The following NF1 variants were observed in gnomAD, a reference collection of about 807,000 sequenced individuals.
NF1 encodes the protein neurofibromin 1.
Under a neutral mutation model 325.7 loss-of-function variants are expected in NF1, and 122 were observed. The ratio of observed to expected loss-of-function variants is 0.37; its 90% CI spans 0.32 to 0.44. The LOEUF (loss-of-function observed/expected upper bound fraction) is 0.44. NF1 is among the 20% of genes least tolerant of loss of function. NF1 has a pLI of 1.00. For missense variants in NF1, 2,140 were observed against 3,415.4 expected, an observed-to-expected ratio of 0.63 and a Z score of 9.31; for synonymous variants, 1,091 against 1,186.0, an observed-to-expected ratio of 0.92 and a Z score of 1.65.
intron 1 of NF1, among the ~76,000 whole-genome samples, chr17:31,119,216 C>T (rs1914224316): frequency 1.3e-5 from 2 of 152,138 alleles, no homozygotes; most frequent in African/African-American, 4.8e-5. Context: ...GCTGGGATTA[C>T]AGGTGTGAGC....
At chr17:31,118,954 G>A (rs562791534) in intron 1 of NF1, among the ~76,000 whole-genome samples, 2 of 133,766 alleles carry the variant, frequency 1.5e-5, no homozygotes, top group Non-Finnish European at 3.3e-5. Flanking sequence ...TTTTTTTCTT[G>A]AGATGGAGTC....
chr17:31,259,786 T>A (rs1483752702), intron 33 of NF1, among the ~76,000 whole-genome samples: 1 of 152,224 alleles, frequency 6.6e-6, no homozygotes, highest in African/African-American at 2.4e-5. Flanking sequence ...GAATTCTGCT[T>A]TTCATGCAGT....
At chr17:31,207,936 C>T (rs1351782472) in intron 12 of NF1, among the ~76,000 whole-genome samples, 1 of 152,106 alleles carries the variant, frequency 6.6e-6, no homozygotes, top group African/African-American at 2.4e-5. Context: ...TCCTATTTAA[C>T]TTCAATATCC....
At chr17:31,272,225 G>T (rs1190090812) in intron 36 of NF1, 1 of 152,244 alleles carries the variant, frequency 6.6e-6, no homozygotes, top group Non-Finnish European at 1.5e-5. Context: ...AATGCAGGCA[G>T]TTGAAGTTCA....
At chr17:31,104,071 G>A (rs1477466053) in intron 1 of NF1, among the ~76,000 whole-genome samples, 1 of 151,610 alleles carries the variant, frequency 6.6e-6, no homozygotes, top group African/African-American at 2.4e-5. Flanking sequence ...TTTTTATTTG[G>A]GTACCGGCCA....
chr17:31,319,776 A>G lies in NF1; in HGVS notation c.4836-6044A>G, dbSNP rs111450837. ...TGAAGAAAAAAAAAAAAAAACAGCA[A>G]ATTTCCTCTGAGTAGACTTAAAAGT... is the stretch of plus-strand genomic sequence containing the variant. On this transcript the variant is annotated intron_variant, in intron 36 of 57. Transcript: ENST00000358273. Among the ~76,000 whole-genome samples the G allele has an allele frequency of 8.2e-3, 1,247 of 151,758 alleles. 25 individuals are homozygous for G. Among genetic ancestry groups the G allele is most frequent in the African/African-American group, 0.029 (1,191 of 41,384 alleles).
intron 36 of NF1, among the ~76,000 whole-genome samples, chr17:31,283,197 C>T (rs2068155657): frequency 6.6e-6 from 1 of 152,058 alleles, no homozygotes; most frequent in African/African-American, 2.4e-5. Flanking sequence ...GCGGGCGGAT[C>T]ACGAGGTCAG....
intron 1 of NF1, among the ~76,000 whole-genome samples, chr17:31,140,356 G>A (rs1252429441): frequency 1.3e-5 from 2 of 152,178 alleles, no homozygotes; most frequent in African/African-American, 4.8e-5. Flanking sequence ...TCAATGAGGT[G>A]TATAATGTGT....
At chr17:31,244,619 A>C (rs1293669565) in intron 29 of NF1, among the ~76,000 whole-genome samples, 1 of 152,138 alleles carries the variant, frequency 6.6e-6, no homozygotes, top group Non-Finnish European at 1.5e-5. Flanking sequence ...GCAAAGTCCC[A>C]TAATCACTGT....
chr17:31,336,319 CCTT>C lies in NF1; in HGVS notation c.6007-9_6007-7del, dbSNP rs1274172088. The C allele has an allele frequency of 1.9e-6, 3 of 1,612,904 alleles. No individual in the cohort carries two copies. Among genetic ancestry groups the C allele is most frequent in the African/African-American group, 2.7e-5 (2 of 74,824 alleles). On this transcript the variant is annotated splice_polypyrimidine_tract_variant and intron_variant, in intron 40 of 57. Coordinates refer to ENST00000358273, the MANE Select transcript of NF1 (RefSeq NM_001042492.3). This position sits in a 1 kb window ranked among gnomAD's most constrained non-coding sequence, Gnocchi z 5.5. The stretch of plus-strand genomic sequence containing the variant: ...AGAGTGATTAAAAACATGTTATTTT[CCTT>C]CTTCAACTAGATTACAGATCTGCTT...
chr17:31,119,566 A>G (rs112587580), intron 1 of NF1, among the ~76,000 whole-genome samples: 28 of 151,610 alleles, frequency 1.8e-4, no homozygotes, highest in Non-Finnish European at 3.4e-4. Context: ...TAGGTTGCCT[A>G]TTCACTCATG....
intron 7 of NF1, among the ~76,000 whole-genome samples, chr17:31,182,121 C>T (rs2066148886): frequency 6.6e-6 from 1 of 152,130 alleles, no homozygotes; most frequent in Non-Finnish European, 1.5e-5. Context: ...TAGTAATATT[C>T]TCACCTATAA....
intron 13 of NF1, among the ~76,000 whole-genome samples, chr17:31,214,805 C>A (rs1269828693): frequency 6.6e-6 from 1 of 152,154 alleles, no homozygotes; most frequent in Non-Finnish European, 1.5e-5. Flanking sequence ...CCTAACATTT[C>A]TCTTTCTTCT....
chr17:31,365,278 C>CAAAAAAAAAAAAAAAAAAAA (rs67659795), intron 57 of NF1, among the ~76,000 whole-genome samples: 2 of 101,066 alleles, frequency 2.0e-5, no homozygotes, highest in African/African-American at 1.1e-4. Context: ...GAACCTATCT[C>CAAAAAAAAAAAAAAAAAAAA]AAAAAAAAAA....
intron 29 of NF1, among the ~76,000 whole-genome samples, chr17:31,239,550 T>TC (rs1555615990): frequency 1.2e-4 from 17 of 147,736 alleles, no homozygotes; most frequent in African/African-American, 4.4e-4. Context: ...TAAAGCAAGA[T>TC]GGGGGGAGGA....
intron 30 of NF1, chr17:31,251,333 C>T (rs1255621923): frequency 4.8e-6 from 1 of 207,316 alleles, no homozygotes; most frequent in Non-Finnish European, 9.8e-6. Flanking sequence ...AATAAACTTC[C>T]CTGGACTTTA....
intron 1 of NF1, among the ~76,000 whole-genome samples, chr17:31,144,293 T>C (rs781440004): frequency 1.3e-5 from 2 of 152,222 alleles, no homozygotes; most frequent in African/African-American, 2.4e-5. Flanking sequence ...CCATCCTCTC[T>C]TGAGTAAGAC....
rs758361270 is a variant in NF1, at chr17:31,326,023, A to G, written c.5039A>G (p.Tyr1680Cys). 2 of 1,614,206 alleles carry G rather than the reference A, an allele frequency of 1.2e-6. No homozygotes were observed. The highest frequency in any genetic ancestry group is 2.2e-5 in the East Asian group (1 of 44,888). ...GACAACGTCTCCGCAGTCTATATCTATAACTGTAACTCCTGGGTCAGGGAG... is the reference window on the plus strand; with the variant it reads ...GACAACGTCTCCGCAGTCTATATCTGTAACTGTAACTCCTGGGTCAGGGAG... ...AYDNVSAVYI[Y>C]NCNSWVREYT... Residue 1680 changes from tyrosine (Y) to cysteine (C), a missense_variant, in exon 37 of 58, where the codon TAT becomes TGT. Transcript: ENST00000358273.
rs1597713390 is a variant in NF1, at chr17:31,227,270, T to G, written c.2304T>G (p.His768Gln). 6.2e-7 allele frequency: 1 copy of G among 1,613,716 alleles called. No individual in the cohort carries two copies. The change falls in exon 19 of 58, where the codon CAT becomes CAG. Residue 768 changes from histidine (H) to glutamine (Q), a missense_variant. Physicochemically the swap from His to Gln is conservative, Grantham distance 24. Transcript: ENST00000358273. ...TGGCACTGCTGAGGCGCATTGAGCA[T>G]CCCACTGCAGGAAACACTGAGGTAT... is the stretch of plus-strand genomic sequence containing the variant. Reference protein sequence around the residue: ...RVMALLRRIEHPTAGNTEAWE... With the variant: ...RVMALLRRIEQPTAGNTEAWE...
Sources: gnomAD v4.1 joint callset for allele counts (sites outside exome capture counted in the v4.1 genomes callset) on GRCh38, gnomAD v4.1.1 for gene constraint, Gnocchi (gnomAD v3.1) non-coding constraint, MANE v1.5 for transcripts, NCBI Gene and HGNC (gene_info 2026-07-23, HGNC 2026-07-21) for gene names.